The following ADGRB3 variants were observed in gnomAD, a reference collection of about 807,000 sequenced individuals.
ADGRB3 encodes the protein adhesion G protein-coupled receptor B3.
Under a neutral mutation model 193.4 loss-of-function variants are expected in ADGRB3, and 37 were observed. The observed-to-expected ratio is 0.19, with a 90% confidence interval of 0.15 to 0.25. ADGRB3 has a LOEUF of 0.25. ADGRB3 is among the 10% of genes least tolerant of loss of function. The pLI is 1.00. For missense variants in ADGRB3, 1,637 were observed against 1,852.9 expected (o/e 0.88, Z 2.14); for synonymous variants, 690 against 644.2 (o/e 1.07, Z -1.08).
At chr6:69,118,111 A>T (rs1025207658) in intron 17 of ADGRB3, among the ~76,000 whole-genome samples, 21 of 152,206 alleles carry the variant, frequency 1.4e-4, no homozygotes, top group Non-Finnish European at 2.2e-4. Flanking sequence ...TGGCCCTATT[A>T]TCAATCAAAT....
At chr6:69,054,532 T>C (rs529357702) in intron 15 of ADGRB3, among the ~76,000 whole-genome samples, 34 of 152,188 alleles carry the variant, frequency 2.2e-4, no homozygotes, top group Non-Finnish European at 4.3e-4. Flanking sequence ...ATTCTAGTTT[T>C]GTGACGTTCT....
intron 22 of ADGRB3, 67 bp downstream of exon 22, chr6:69,327,956 A>G (rs1237281991): frequency 1.2e-5 from 17 of 1,400,568 alleles, no homozygotes; most frequent in Non-Finnish European, 1.7e-5. Context: ...CTTGGTTGGC[A>G]CTGCTGATGG....
intron 17 of ADGRB3, among the ~76,000 whole-genome samples, chr6:69,151,243 T>C (rs1319505044): frequency 1.3e-5 from 2 of 152,180 alleles, no homozygotes; most frequent in African/African-American, 4.8e-5. Flanking sequence ...CTAGAGCCCT[T>C]TATCCCAGAG....
intron 17 of ADGRB3, among the ~76,000 whole-genome samples, chr6:69,230,068 G>T (rs953265056): frequency 2.6e-5 from 4 of 152,104 alleles, no homozygotes; most frequent in African/African-American, 9.7e-5. Flanking sequence ...CAAAGAATGG[G>T]TTGTATGGAA....
chr6:69,057,964 A>T lies in ADGRB3; in HGVS notation c.2334-4970A>T, dbSNP rs367871292. Among the ~76,000 whole-genome samples, 187 of 151,996 alleles carry T rather than the reference A, an allele frequency of 1.2e-3. 1 individual carries two copies. The highest frequency in any genetic ancestry group is 4.4e-3 in the African/African-American group (184 of 41,540). ...AATACTGGCCTCCTATAATGGGTTT[A>T]AAAGTGCTCTCTGCTTTAATTTTTT... On this transcript the variant is annotated intron_variant, in intron 15 of 31. Transcript: ENST00000370598.
At chr6:68,826,146 T>C (rs1205560792) in intron 3 of ADGRB3, among the ~76,000 whole-genome samples, 1 of 152,156 alleles carries the variant, frequency 6.6e-6, no homozygotes, top group Non-Finnish European at 1.5e-5. Flanking sequence ...CTCCTGCTCT[T>C]AGAAAGTCTC....
intron 20 of ADGRB3, among the ~76,000 whole-genome samples, chr6:69,299,177 G>A (rs1767899521): frequency 6.6e-6 from 1 of 151,732 alleles, no homozygotes; most frequent in Non-Finnish European, 1.5e-5. Flanking sequence ...ATTTTTTATG[G>A]TTTCTTTTGA....
At chr6:68,963,547 A>G (rs1020704236) in intron 8 of ADGRB3, among the ~76,000 whole-genome samples, 4 of 152,136 alleles carry the variant, frequency 2.6e-5, no homozygotes, top group Admixed American at 6.5e-5. Flanking sequence ...CATTTATGAT[A>G]TATATTTTAA....
intron 20 of ADGRB3, among the ~76,000 whole-genome samples, chr6:69,275,612 C>CA (rs1767285189): frequency 6.6e-6 from 1 of 151,400 alleles, no homozygotes; most frequent in East Asian, 1.9e-4. Context: ...AATACACATG[C>CA]AAAAAAGTCT....
intron 30 of ADGRB3, among the ~76,000 whole-genome samples, chr6:69,374,085 G>A (rs913324245): frequency 3.9e-5 from 6 of 151,926 alleles, no homozygotes; most frequent in African/African-American, 1.2e-4. Flanking sequence ...CAAGAACCCC[G>A]GACATGTCTT....
chr6:68,637,841 A>G (rs1405910064), intron 2 of ADGRB3, among the ~76,000 whole-genome samples: 1 of 151,640 alleles, frequency 6.6e-6, no homozygotes, highest in East Asian at 1.9e-4. Flanking sequence ...TTGGATACAG[A>G]TACTAATACA....
At chr6:69,307,061 A>G (rs1361910778) in intron 20 of ADGRB3, among the ~76,000 whole-genome samples, 1 of 151,282 alleles carries the variant, frequency 6.6e-6, no homozygotes, top group Admixed American at 6.6e-5. Context: ...AGCTTCATTT[A>G]TAAAAATAGC....
At chr6:68,639,543 T>G (rs548127657) in intron 3 of ADGRB3, 111 bp downstream of exon 3, 425 of 1,326,532 alleles carry the variant, frequency 3.2e-4, no homozygotes, top group Non-Finnish European at 4.1e-4. Context: ...TTGTCACTTT[T>G]TGATTCATTT....
chr6:69,115,090 A>T (rs988431131), intron 17 of ADGRB3, among the ~76,000 whole-genome samples: 1 of 152,212 alleles, frequency 6.6e-6, no homozygotes, highest in East Asian at 1.9e-4. Context: ...CAATCCCATT[A>T]CTGGGTATAT....
chr6:68,808,740 A>G (rs1767456203), intron 3 of ADGRB3, among the ~76,000 whole-genome samples: 1 of 152,066 alleles, frequency 6.6e-6, no homozygotes, highest in African/African-American at 2.4e-5. Flanking sequence ...AGAAAAAAGG[A>G]GGAGGAAAAA....
chr6:69,107,310 A>G (rs1773242751), intron 17 of ADGRB3, among the ~76,000 whole-genome samples: 1 of 152,234 alleles, frequency 6.6e-6, no homozygotes. Context: ...GTTTAGTACA[A>G]TGAATGTTCA....
chr6:69,030,345 C>T (rs1312108555), intron 13 of ADGRB3, among the ~76,000 whole-genome samples: 1 of 152,112 alleles, frequency 6.6e-6, no homozygotes, highest in Admixed American at 6.6e-5. Flanking sequence ...TTCACAATAG[C>T]AAAGACTTGG....
intron 17 of ADGRB3, among the ~76,000 whole-genome samples, chr6:69,170,792 T>G (rs1342961752): frequency 6.6e-6 from 1 of 152,062 alleles, no homozygotes; most frequent in African/African-American, 2.4e-5. Context: ...GAAAGGTAAG[T>G]AAAGATGGGG....
intron 17 of ADGRB3, among the ~76,000 whole-genome samples, chr6:69,118,660 A>G (rs991362075): frequency 2.0e-5 from 3 of 151,626 alleles, no homozygotes; most frequent in African/African-American, 7.3e-5. Context: ...TAGAGGTTAG[A>G]TTCGATGTTA....
Sources: allele counts gnomAD v4.1 joint callset (sites outside exome capture counted in the v4.1 genomes callset), GRCh38; gene constraint gnomAD v4.1.1; transcripts MANE v1.5; gene names NCBI Gene and HGNC (gene_info 2026-07-23, HGNC 2026-07-21).